PIGU: variants seen among roughly 807,000 people sequenced by gnomAD.
PIGU encodes GPI-anchor transamidase component PIGU.
A neutral mutation model predicts 49.9 loss-of-function variants in PIGU; 24 were observed. The ratio of observed to expected loss-of-function variants is 0.48; its 90% CI spans 0.35 to 0.68. The LOEUF is 0.68. PIGU is among the 30% of genes least tolerant of loss of function. The pLI is 0.01. For synonymous variants in PIGU, 220 were observed against 205.7 expected (o/e 1.07, Z -0.59); for missense variants, 490 against 532.6 (o/e 0.92, Z 0.79).
chr20:34,635,790 G>A (rs1985939151), intron 5 of PIGU, among the ~76,000 whole-genome samples: 1 of 152,066 alleles, frequency 6.6e-6, no homozygotes, highest in African/African-American at 2.4e-5. Flanking sequence ...CAGGAGAATG[G>A]CTTGAACCCG....
chr20:34,629,496 A>G (rs79445390), intron 6 of PIGU, among the ~76,000 whole-genome samples: 2,980 of 152,284 alleles, frequency 0.02, 260 homozygotes, highest in Admixed American at 0.15. Context: ...GCAGAGCCCA[A>G]CCTAGATTAG....
Position 34,575,160 on chromosome 20 carries a change from C to T in PIGU, c.1138G>A (p.Gly380Arg). Reference protein sequence around the residue: ...PVLWHLWIYAGSANSNFFYAI... With the variant: ...PVLWHLWIYARSANSNFFYAI... ...TAAAAGAAATTAGAGTTGGCACTTC[C>T]TGCATAAATCCAGAGGTGCCACAGG... is the stretch of plus-strand genomic sequence containing the variant. The change falls in exon 11 of 12, where the codon GGA becomes AGA. Residue 380 changes from glycine (G) to arginine (R), a missense_variant. Gly to Arg is a moderately radical substitution (Grantham distance 125, BLOSUM62 -2). Coordinates refer to ENST00000217446, the MANE Select transcript of PIGU (RefSeq NM_080476.5). The T allele has an allele frequency of 6.2e-7, 1 of 1,614,180 alleles. No individual in the cohort carries two copies. Among genetic ancestry groups the T allele is most frequent in the Non-Finnish European group, 8.5e-7 (1 of 1,180,028 alleles).
At chr20:34,616,756 G>T (rs960378766) in intron 6 of PIGU, among the ~76,000 whole-genome samples, 1 of 151,890 alleles carries the variant, frequency 6.6e-6, no homozygotes, top group African/African-American at 2.4e-5. Context: ...ATTAAATGAA[G>T]TTTATAAAAG....
chr20:34,609,527 G>A (rs1233441735), intron 7 of PIGU, among the ~76,000 whole-genome samples: 4 of 151,950 alleles, frequency 2.6e-5, no homozygotes, highest in African/African-American at 9.7e-5. Flanking sequence ...ACCATGCCTA[G>A]CTAATTTTTG....
intron 7 of PIGU, among the ~76,000 whole-genome samples, chr20:34,593,086 C>T (rs992477950): frequency 1.1e-4 from 17 of 151,998 alleles, no homozygotes; most frequent in African/African-American, 4.1e-4. Flanking sequence ...TCTGTAATCC[C>T]AGCACTTTGG....
intron 2 of PIGU, among the ~76,000 whole-genome samples, chr20:34,654,746 G>C (rs111692544): frequency 0.037 from 4,475 of 119,678 alleles, 1,281 homozygotes; most frequent in African/African-American, 0.13. Flanking sequence ...GTGACTCACA[G>C]CTGTAATCCC....
Position 34,677,004 on chromosome 20 carries a change from T to G in PIGU, c.82A>C (p.Ile28Leu). 1 of 1,584,842 alleles carries G rather than the reference T, an allele frequency of 6.3e-7. No homozygotes were observed. Among genetic ancestry groups the G allele is most frequent in the Admixed American group, 1.8e-5 (1 of 54,560 alleles). ...GACACCACCTCCACCCGCTCGGAAA[T>G]GAACTCGGCCAGACTGGAGCGGAAC... Reference protein sequence around the residue: ...ALFRSSLAEFISERVEVVSPL... With the variant: ...ALFRSSLAEFLSERVEVVSPL... Residue 28 changes from isoleucine (I) to leucine (L), a missense_variant, in exon 1 of 12, where the codon ATT becomes CTT. Transcript: ENST00000217446.
chr20:34,660,605 A>G (rs1986901284), intron 1 of PIGU, among the ~76,000 whole-genome samples: 1 of 152,342 alleles, frequency 6.6e-6, no homozygotes, highest in Middle Eastern at 3.4e-3. Context: ...CAAACAAAAA[A>G]GCATAACCTC....
intron 4 of PIGU, among the ~76,000 whole-genome samples, chr20:34,638,900 T>C (rs1336428875): frequency 6.6e-6 from 1 of 152,146 alleles, no homozygotes; most frequent in East Asian, 1.9e-4. Context: ...CCAAAATCGG[T>C]GGCCCTGTTG....
At chr20:34,586,119 T>C (rs1377072438) in intron 8 of PIGU, among the ~76,000 whole-genome samples, 2 of 152,228 alleles carry the variant, frequency 1.3e-5, no homozygotes, top group African/African-American at 4.8e-5. Context: ...CCAGTCTTAA[T>C]TGAGAAATTA....
intron 10 of PIGU, 146 bp from the exon 11 acceptor site, chr20:34,575,392 G>C: frequency 1.1e-6 from 1 of 885,604 alleles, no homozygotes; most frequent in East Asian, 2.9e-5. Context: ...GGGGTGCCAA[G>C]AAGCAAACCC....
At chr20:34,595,718 C>CGTT (rs1984174992) in intron 7 of PIGU, among the ~76,000 whole-genome samples, 1 of 152,102 alleles carries the variant, frequency 6.6e-6, no homozygotes, top group African/African-American at 2.4e-5. Context: ...AATATAAACC[C>CGTT]TAACAAATGA....
At position 34,656,441 on chromosome 20, in the gene PIGU, C is replaced by A. The variant is rs1174992764; in HGVS notation, c.195+739G>T. ...GGGACTACAGGCGCCCACTACCGCGCCCAGCTAATCTTTTGTATTTTCAGT... is the reference window on the plus strand; with the variant it reads ...GGGACTACAGGCGCCCACTACCGCGACCAGCTAATCTTTTGTATTTTCAGT... On this transcript the variant is annotated intron_variant, in intron 2 of 11. Coordinates refer to ENST00000217446, the MANE Select transcript of PIGU (RefSeq NM_080476.5). Among the ~76,000 whole-genome samples, 4 of 129,216 alleles carry A rather than the reference C, an allele frequency of 3.1e-5. 1 individual carries two copies. The highest frequency in any genetic ancestry group is 2.3e-4 in the East Asian group (1 of 4,290). The allele number at this position is 129,216 out of a possible 152,430, so 84.8% of individuals were successfully genotyped here.
chr20:34,586,861 T>TA (rs1983716119), intron 8 of PIGU, among the ~76,000 whole-genome samples: 1 of 152,178 alleles, frequency 6.6e-6, no homozygotes. Flanking sequence ...ACCTCCCAGT[T>TA]AGAGGCTGGT....
chr20:34,667,175 A>G (rs937706333), intron 1 of PIGU, among the ~76,000 whole-genome samples: 1 of 152,104 alleles, frequency 6.6e-6, no homozygotes, highest in Non-Finnish European at 1.5e-5. Context: ...TACTTTTCCT[A>G]TGGGTGATAA....
intron 9 of PIGU, 149 bp from the exon 10 acceptor site, chr20:34,581,821 C>A (rs1468888674): frequency 2.7e-6 from 3 of 1,102,984 alleles, no homozygotes. Context: ...ATGGGCCAGG[C>A]CCCAGTAGCA....
At chr20:34,596,000 C>T (rs6058084) in intron 7 of PIGU, among the ~76,000 whole-genome samples, 66,958 of 151,982 alleles carry the variant, frequency 0.44, 15,289 homozygotes, top group Non-Finnish European at 0.49. Flanking sequence ...ACTGCTTGAG[C>T]CCAGTCGGGC....
chr20:34,633,244 G>A (rs1194835392), intron 6 of PIGU, among the ~76,000 whole-genome samples: 1 of 152,064 alleles, frequency 6.6e-6, no homozygotes, highest in South Asian at 2.1e-4. Context: ...AGGGTGGATC[G>A]CTTAAGTCCA....
At chr20:34,674,378 G>A (rs1468412365) in intron 1 of PIGU, among the ~76,000 whole-genome samples, 1 of 151,982 alleles carries the variant, frequency 6.6e-6, no homozygotes, top group Non-Finnish European at 1.5e-5. Context: ...AATTCATACA[G>A]CTTATAAGTT....
Sources: gnomAD v4.1 joint callset for allele counts (sites outside exome capture counted in the v4.1 genomes callset) on GRCh38, gnomAD v4.1.1 for gene constraint, MANE v1.5 for transcripts, NCBI Gene and HGNC (gene_info 2026-07-23, HGNC 2026-07-21) for gene names.